Variants in MYO10 observed in about 807,000 individuals in gnomAD.
MYO10 encodes the protein unconventional myosin-X.
MYO10 carries 133 observed loss-of-function variants against 257.3 expected under a neutral mutation model. The observed-to-expected ratio is 0.52, with a 90% CI of 0.45 to 0.60. The LOEUF (loss-of-function observed/expected upper bound fraction) is 0.60, where lower values mean the gene tolerates loss of function less well. Among genes scored for constraint, MYO10 ranks in the 20% least tolerant of loss-of-function variants. The pLI, the probability that MYO10 is intolerant of heterozygous loss-of-function variation, is 0.00. For missense variants in MYO10, 2,399 were observed against 2,635.7 expected (o/e 0.91, Z 1.97); for synonymous variants, 1,104 against 1,028.6 (o/e 1.07, Z -1.40).
In MYO10 at chr5:16,701,769, G is replaced by T. The variant is rs540391150; in HGVS notation, c.2626C>A (p.Arg876Ser). Residue 876 changes from arginine (R) to serine (S), a missense_variant, in exon 25 of 41, where the codon CGT (arginine) becomes AGT (serine). Around this residue, in one of 3 missense-constraint regions of MYO10, gnomAD observed 1,820 missense variants for 1,939.4 expected, o/e 0.94. Coordinates refer to ENST00000513610, the MANE Select transcript of MYO10 (RefSeq NM_012334.3). This position sits in a 1 kb window ranked among gnomAD's most constrained non-coding sequence, Gnocchi z 8.1. ...QKSQKEAELT[R>S]ELEKQKENKQ... The stretch of plus-strand genomic sequence containing the variant: ...TTTTCCTTCTGTTTCTCCAGTTCAC[G>T]GGTCAGTTCAGCTTCCTTCTGGCTC... The T allele has an allele frequency of 6.2e-7, 1 of 1,613,910 alleles. No individual in the cohort carries two copies.
chr5:16,835,038 C>T (rs1413265462), intron 2 of MYO10, among the ~76,000 whole-genome samples: 3 of 151,558 alleles, frequency 2.0e-5, no homozygotes, highest in African/African-American at 4.8e-5. Flanking sequence ...GGCGGGCCAC[C>T]GTGGTGGCAC....
intron 19 of MYO10, among the ~76,000 whole-genome samples, chr5:16,736,378 A>G (rs1446094817): frequency 6.6e-6 from 1 of 152,228 alleles, no homozygotes; most frequent in African/African-American, 2.4e-5. Context: ...ACTGAATAGA[A>G]GTGGCCCATC....
Position 16,664,382 on chromosome 5 carries a change from C to G in MYO10, c.*2310G>C, listed in dbSNP as rs1736077156. 6.6e-6 allele frequency: 1 copy of G among 152,182 alleles called. No homozygotes were observed. The highest frequency in any genetic ancestry group is 1.5e-5 in the Non-Finnish European group (1 of 68,036). 9.4% of individuals were successfully genotyped at this position (152,182 alleles called of 1,614,324 possible). A position where few individuals can be genotyped will look rare whatever the true frequency, so the allele number is the denominator to read the frequency against. ...TGAGAGGTGAGCAGTAGAAAGAAGA[C>G]TTCTGTCAAATTCTTTCTGAGCCTA... On this transcript the variant is annotated 3_prime_UTR_variant, in exon 41 of 41. Coordinates refer to ENST00000513610, the MANE Select transcript of MYO10 (RefSeq NM_012334.3).
chr5:16,681,398 G>T lies in MYO10; in HGVS notation c.4295C>A (p.Ser1432Ter). The T allele has an allele frequency of 6.2e-7, 1 of 1,613,976 alleles. No individual in the cohort carries two copies. Among genetic ancestry groups the T allele is most frequent in the Non-Finnish European group, 8.5e-7 (1 of 1,179,894 alleles). The change falls in exon 32 of 41, where the codon TCA (serine) becomes TAA (stop). Residue 1432 changes from serine to a stop codon, truncating the protein, a stop_gained. Coordinates refer to ENST00000513610, the MANE Select transcript of MYO10 (RefSeq NM_012334.3). LOFTEE classifies it high-confidence loss of function. The part of the protein sequence containing the change: ...THNSLDYYKS[S>*]EKNALKLGTL... ...CCCCAGTTTGAGCGCGTTCTTCTCT[G>T]AACTCTTGTAGTAATCCAGGGAATT...
chr5:16,863,184 T>C (rs1744154065), intron 2 of MYO10, among the ~76,000 whole-genome samples: 1 of 152,176 alleles, frequency 6.6e-6, no homozygotes, highest in Admixed American at 6.5e-5. Flanking sequence ...GCACAGGCCA[T>C]TTGCTCTCCC....
At chr5:16,866,014 A>AAC (rs34718010) in intron 2 of MYO10, among the ~76,000 whole-genome samples, 9,017 of 136,388 alleles carry the variant, frequency 0.066, 289 homozygotes, top group African/African-American at 0.079. Flanking sequence ...TATTTACCCA[A>AAC]ACACACACAC....
chr5:16,669,672 A>G (rs1382908550), intron 39 of MYO10, among the ~76,000 whole-genome samples: 1 of 152,222 alleles, frequency 6.6e-6, no homozygotes, highest in African/African-American at 2.4e-5. Flanking sequence ...CAAACCAATC[A>G]AAAACATCAC....
rs1740483791 is a variant in MYO10, at chr5:16,754,913, T to A, written c.1849-5A>T. Reference sequence around the variant, plus strand: ...CATTAAGGAATGCAGTGAGTCCTATTAGAAAAAGTATATGTTGATTTAGTC... The same window carrying A: ...CATTAAGGAATGCAGTGAGTCCTATAAGAAAAAGTATATGTTGATTTAGTC... On this transcript the variant is annotated splice_polypyrimidine_tract_variant and splice_region_variant and intron_variant, in intron 18 of 40. Coordinates refer to ENST00000513610, the MANE Select transcript of MYO10 (RefSeq NM_012334.3). 1 of 1,562,908 alleles carries A rather than the reference T, an allele frequency of 6.4e-7. No individual in the cohort carries two copies. The highest frequency in any genetic ancestry group is 1.4e-5 in the African/African-American group (1 of 73,782).
chr5:16,791,551 C>CACACACAT (rs1553996586), intron 4 of MYO10, among the ~76,000 whole-genome samples: 3 of 108,288 alleles, frequency 2.8e-5, no homozygotes, highest in African/African-American at 1.2e-4. Flanking sequence ...TACATACACA[C>CACACACAT]ACACACACAC....
At chr5:16,866,629 C>CCT (rs1321950919) in intron 2 of MYO10, among the ~76,000 whole-genome samples, 1 of 151,816 alleles carries the variant, frequency 6.6e-6, no homozygotes, top group Non-Finnish European at 1.5e-5. Context: ...CTGTTTCTTT[C>CCT]CTCTTGAGAG....
intron 2 of MYO10, among the ~76,000 whole-genome samples, chr5:16,843,555 A>G (rs892795459): frequency 6.6e-6 from 1 of 152,196 alleles, no homozygotes; most frequent in Admixed American, 6.5e-5. Context: ...CAGGTCAGCT[A>G]CTGGGCACCA....
intron 3 of MYO10, among the ~76,000 whole-genome samples, chr5:16,798,639 C>A (rs1205712741): frequency 3.3e-5 from 5 of 152,162 alleles, no homozygotes; most frequent in African/African-American, 1.2e-4. Context: ...CCTTCCACTA[C>A]TTTGTTTAAA....
chr5:16,903,134 G>A (rs186044485), intron 1 of MYO10, among the ~76,000 whole-genome samples: 5 of 152,338 alleles, frequency 3.3e-5, no homozygotes, highest in South Asian at 2.1e-4. Context: ...CCTACCAGGC[G>A]CGATGGCTCA....
chr5:16,806,610 T>G (rs1195867283), intron 3 of MYO10, among the ~76,000 whole-genome samples: 1 of 149,816 alleles, frequency 6.7e-6, no homozygotes, highest in African/African-American at 2.5e-5. Flanking sequence ...ATAGTGCCAC[T>G]GCACTCCAAC....
intron 1 of MYO10, among the ~76,000 whole-genome samples, chr5:16,897,923 G>A (rs754354668): frequency 1.3e-5 from 2 of 152,230 alleles, no homozygotes; most frequent in Non-Finnish European, 2.9e-5. Flanking sequence ...TTTCAAGAGT[G>A]TTACTCAAAC....
At chr5:16,898,630 A>C (rs1394906969) in intron 1 of MYO10, among the ~76,000 whole-genome samples, 7 of 151,286 alleles carry the variant, frequency 4.6e-5, no homozygotes, top group Non-Finnish European at 7.4e-5. Context: ...GCTGGTCTCG[A>C]ACTCCTGACC....
chr5:16,739,247 A>G (rs1739927028), intron 19 of MYO10, among the ~76,000 whole-genome samples: 1 of 152,040 alleles, frequency 6.6e-6, no homozygotes, highest in Non-Finnish European at 1.5e-5. Context: ...CACACTAGCA[A>G]AAGTATCTCA....
intron 1 of MYO10, among the ~76,000 whole-genome samples, chr5:16,915,074 A>G (rs1245957321): frequency 6.6e-6 from 1 of 152,242 alleles, no homozygotes; most frequent in East Asian, 1.9e-4. Context: ...TGGGGTGAAG[A>G]TTCTGTCTAC....
At chr5:16,888,869 A>G (rs184022543) in intron 1 of MYO10, among the ~76,000 whole-genome samples, 3 of 150,154 alleles carry the variant, frequency 2.0e-5, no homozygotes, top group Admixed American at 2.0e-4. Flanking sequence ...GAATAATTAC[A>G]TAATATAAAC....
Sources: allele counts gnomAD v4.1 joint callset (sites outside exome capture counted in the v4.1 genomes callset), GRCh38; gene constraint gnomAD v4.1.1; regional missense constraint gnomAD v4.1.1; non-coding constraint Gnocchi (gnomAD v3.1); transcripts MANE v1.5; gene names NCBI Gene and HGNC (gene_info 2026-07-23, HGNC 2026-07-21).